PENK: variants seen among roughly 807,000 people sequenced by gnomAD.
PENK encodes proenkephalin-A.
PENK carries 25 observed loss-of-function variants against 24.1 expected under a neutral mutation model. That is an observed-to-expected ratio of 1.04 (90% CI 0.76 to 1.45). PENK has a LOEUF of 1.45. Ranked by LOEUF, PENK falls within the 40% of genes most tolerant of loss-of-function variation. The pLI, the probability that PENK is intolerant of heterozygous loss-of-function variation, is 0.00. For missense variants in PENK, 353 were observed against 337.9 expected (o/e 1.04, Z -0.35); for synonymous variants, 135 against 130.3 (o/e 1.04, Z -0.24).
Position 56,445,806 on chromosome 8 carries a change from C to G in PENK, c.138+10G>C, listed in dbSNP as rs756784111. The G allele has an allele frequency of 1.2e-6, 2 of 1,613,164 alleles. No individual in the cohort carries two copies. Among genetic ancestry groups the G allele is most frequent in the African/African-American group, 2.7e-5 (2 of 74,916 alleles). On this transcript the variant is annotated intron_variant, in intron 3 of 3. Transcript: ENST00000451791. Reference sequence around the variant, plus strand: ...CAAGGTGCGCAACACTCGCCGCGCGCAACACTCACCAGGAAGTTGATGTCG... The same window carrying G: ...CAAGGTGCGCAACACTCGCCGCGCGGAACACTCACCAGGAAGTTGATGTCG...
In PENK at chr8:56,441,381, C is replaced by G; in HGVS notation, c.695G>C (p.Gly232Ala). 1 of 1,614,128 alleles carries G rather than the reference C, an allele frequency of 6.2e-7. No individual in the cohort carries two copies. The highest frequency in any genetic ancestry group is 8.5e-7 in the Non-Finnish European group (1 of 1,179,992). Reference sequence around the variant, plus strand: ...AGCCTCGGCAAAGCGCTTCAGGAAACCTCCATACCGTTTCTGGTAGTCCAT... The same window carrying G: ...AGCCTCGGCAAAGCGCTTCAGGAAAGCTCCATACCGTTTCTGGTAGTCCAT... ...WWMDYQKRYG[G>A]FLKRFAEALP... The change falls in exon 4 of 4, where the codon GGT (glycine) becomes GCT (alanine). Residue 232 changes from glycine to alanine, a missense_variant. Coordinates refer to ENST00000451791, the MANE Select transcript of PENK (RefSeq NM_001135690.3).
intron 3 of PENK, chr8:56,445,601 A>C: frequency 1.5e-6 from 1 of 648,628 alleles, no homozygotes; most frequent in Non-Finnish European, 2.8e-6. Context: ...GTCCCCAGAT[A>C]GTCGCGGATC....
intron 3 of PENK, chr8:56,445,354 C>T (rs1804635036): frequency 5.6e-6 from 2 of 355,580 alleles, no homozygotes; most frequent in South Asian, 9.3e-5. Context: ...AAGAAAGGCA[C>T]CGAAATGTCA....
At position 56,440,989 on chromosome 8, in the gene PENK, A is replaced by G. The variant is rs1180662891; in HGVS notation, c.*283T>C. 6.2e-6 allele frequency: 2 copies of G among 323,420 alleles called. No homozygotes were observed. Among genetic ancestry groups the G allele is most frequent in the Admixed American group, 4.4e-5 (1 of 22,568 alleles). 20.0% of individuals were successfully genotyped at this position (323,420 alleles called of 1,614,324 possible). A position where few individuals can be genotyped will look rare whatever the true frequency, so the allele number is the denominator to read the frequency against. ...GGGGTAATAGGTTTATTATCTCTAT[A>G]TACAAGTAAGCATTTATTGATGTTT... On this transcript the variant is annotated 3_prime_UTR_variant, in exon 4 of 4. Coordinates refer to ENST00000451791, the MANE Select transcript of PENK (RefSeq NM_001135690.3).
At chr8:56,445,470 C>G (rs1398395350) in intron 3 of PENK, 2 of 504,788 alleles carry the variant, frequency 4.0e-6, no homozygotes, top group Admixed American at 3.2e-5. Context: ...CATCTTCCTT[C>G]TGACAGCCCA....
Position 56,441,925 on chromosome 8 carries a change from C to T in PENK, c.151G>A (p.Glu51Lys), listed in dbSNP as rs769327981. ...AGAGAAGGCAGTTTACCTTCACATT[C>T]CATTACGCAAGCCTGGGAAAACAAT... The part of the protein sequence containing the change: ...ADINFLACVM[E>K]CEGKLPSLKI... Residue 51 changes from glutamate (E) to lysine (K), a missense_variant, in exon 4 of 4, where the codon GAA (glutamate) becomes AAA (lysine). By Grantham distance (56) the Glu-to-Lys change is moderately conservative (BLOSUM62 1). Transcript: ENST00000451791. 4 of 1,610,584 alleles carry T rather than the reference C, an allele frequency of 2.5e-6. No homozygotes were observed. The East Asian group carries it at 6.7e-5, about 27-fold the overall frequency.
intron 3 of PENK, among the ~76,000 whole-genome samples, chr8:56,444,674 C>T (rs1411239760): frequency 6.6e-6 from 1 of 152,156 alleles, no homozygotes; most frequent in Non-Finnish European, 1.5e-5. Flanking sequence ...CTCTTTAATG[C>T]CAAGTTAGCA....
chr8:56,443,776 C>A (rs915247904), intron 3 of PENK: 3 of 431,072 alleles, frequency 7.0e-6, no homozygotes, highest in Admixed American at 8.4e-5. Flanking sequence ...GTCATTGAGA[C>A]AATAACAACC....
intron 3 of PENK, 103 bp from the exon 4 acceptor site, chr8:56,442,040 T>C: frequency 1.3e-6 from 1 of 774,768 alleles, no homozygotes; most frequent in South Asian, 1.8e-5. Context: ...CATCATAACT[T>C]CCTTATTATA....
chr8:56,441,458 C>A lies in PENK; in HGVS notation c.618G>T (p.Leu206=). 1.2e-6 allele frequency: 2 copies of A among 1,613,272 alleles called. No individual in the cohort carries two copies. The highest frequency in any genetic ancestry group is 2.2e-5 in the South Asian group (2 of 91,042). Residue 206 remains leucine (L), a synonymous_variant, in exon 4 of 4, where the codon CTG becomes CTT. Transcript: ENST00000451791. ...TCATGAAGCCCCCATATCGCTTCTG[C>A]AGCTCTTTGGCTTCATCTTCCAGTT... The part of the protein sequence containing the change: ...SPQLEDEAKE[L]QKRYGGFMRR...
chr8:56,441,901 G>C lies in PENK; in HGVS notation c.175C>G (p.Leu59Val), dbSNP rs373091771. Residue 59 changes from leucine (L) to valine (V), a missense_variant, in exon 4 of 4, where the codon CTG (leucine) becomes GTG (valine). Leu to Val is a conservative substitution (Grantham distance 32). Coordinates refer to ENST00000451791, the MANE Select transcript of PENK (RefSeq NM_001135690.3). ...TCCTTGCAGGTTTCCCAAATTTTCAGAGAAGGCAGTTTACCTTCACATTCC... is the reference window on the plus strand; with the variant it reads ...TCCTTGCAGGTTTCCCAAATTTTCACAGAAGGCAGTTTACCTTCACATTCC... ...VMECEGKLPS[L>V]KIWETCKELL... 7.4e-6 allele frequency: 12 copies of C among 1,613,832 alleles called. No homozygotes were observed. Among genetic ancestry groups the C allele is most frequent in the African/African-American group, 6.7e-5 (5 of 74,958 alleles).
In PENK at chr8:56,441,482, T is replaced by C. The variant is rs2128941106; in HGVS notation, c.594A>G (p.Gln198=). 2 of 1,613,334 alleles carry C rather than the reference T, an allele frequency of 1.2e-6. No homozygotes were observed. Among genetic ancestry groups the C allele is most frequent in the Non-Finnish European group, 1.7e-6 (2 of 1,179,844 alleles). ...GCAGCTCTTTGGCTTCATCTTCCAG[T>C]TGGGGGCTTCTCTTTAAGCCTCTCA... ...GFMRGLKRSP[Q]LEDEAKELQK... Residue 198 remains glutamine, a synonymous_variant, in exon 4 of 4, where the codon CAA becomes CAG. Transcript: ENST00000451791.
chr8:56,444,917 A>C (rs1365326605), intron 3 of PENK, among the ~76,000 whole-genome samples: 1 of 152,234 alleles, frequency 6.6e-6, no homozygotes, highest in Non-Finnish European at 1.5e-5. Context: ...AGCTGGTAAA[A>C]GTGAAGCTAC....
chr8:56,445,966 G>A lies in PENK; in HGVS notation c.-3-10C>T. On this transcript the variant is annotated splice_polypyrimidine_tract_variant and intron_variant, in intron 2 of 3. Coordinates refer to ENST00000451791, the MANE Select transcript of PENK (RefSeq NM_001135690.3). Reference sequence around the variant, plus strand: ...GGAACCGCGCCATGGACTGCGAGGAGAGAGGGACGCGTGCTTCGAGCCTGC... The same window carrying A: ...GGAACCGCGCCATGGACTGCGAGGAAAGAGGGACGCGTGCTTCGAGCCTGC... 6.3e-7 allele frequency: 1 copy of A among 1,591,360 alleles called. No individual in the cohort carries two copies. Among genetic ancestry groups the A allele is most frequent in the Non-Finnish European group, 8.6e-7 (1 of 1,167,420 alleles).
intron 2 of PENK, 95 bp from the exon 3 acceptor site, chr8:56,446,051 C>A: frequency 7.3e-7 from 1 of 1,373,726 alleles, no homozygotes; most frequent in Non-Finnish European, 9.8e-7. Context: ...AGCAGGGGAT[C>A]GTCGAGCAAA....
chr8:56,445,756 G>T (rs754906486), intron 3 of PENK, 60 bp downstream of exon 3: 9 of 1,604,516 alleles, frequency 5.6e-6, no homozygotes, highest in Non-Finnish European at 7.7e-6. Context: ...GGCAGTCCGC[G>T]TACTGTTGCG....
intron 3 of PENK, chr8:56,445,441 T>A: frequency 2.1e-6 from 1 of 476,524 alleles, no homozygotes. Flanking sequence ...TGGGATATGT[T>A]AGGAGTTGTG....
At chr8:56,444,136 AG>A (rs1804609799) in intron 3 of PENK, 1 of 516,920 alleles carries the variant, frequency 1.9e-6, no homozygotes. Context: ...ACAATGCAAA[AG>A]GAAGATTAGT....
chr8:56,446,385 A>C, intron 2 of PENK, 41 bp downstream of exon 2: 1 of 188,252 alleles, frequency 5.3e-6, no homozygotes, highest in Non-Finnish European at 1.1e-5. Context: ...GACGTCCCCA[A>C]ACCCGCTCAG....
Sources: allele counts gnomAD v4.1 joint callset (sites outside exome capture counted in the v4.1 genomes callset), GRCh38; gene constraint gnomAD v4.1.1; transcripts MANE v1.5; gene names NCBI Gene and HGNC (gene_info 2026-07-23, HGNC 2026-07-21).